Variants in SLC10A7 observed in about 807,000 individuals in gnomAD.
The protein encoded by SLC10A7 is sodium/bile acid cotransporter 7.
A neutral mutation model predicts 43.2 loss-of-function variants in SLC10A7; 29 were observed. The observed-to-expected ratio is 0.67, with a 90% CI of 0.50 to 0.92. The LOEUF is 0.92. Ranked by LOEUF, SLC10A7 falls within the 40% of genes least tolerant of loss-of-function variation. The probability of loss-of-function intolerance (pLI) is 0.00; values close to 1 mark genes in which losing one functional copy is unlikely to be tolerated. For missense variants in SLC10A7, 295 were observed against 403.2 expected, an observed-to-expected ratio of 0.73 and a Z score of 2.30; for synonymous variants, 152 against 144.8, an observed-to-expected ratio of 1.05 and a Z score of -0.35.
chr4:146,275,301 C>T (rs1729136708), intron 10 of SLC10A7, among the ~76,000 whole-genome samples: 1 of 152,172 alleles, frequency 6.6e-6, no homozygotes, highest in Non-Finnish European at 1.5e-5. Context: ...CATACTTAAG[C>T]CCTTCAAAAT....
At chr4:146,429,615 G>C (rs1257370592) in intron 5 of SLC10A7, among the ~76,000 whole-genome samples, 1 of 150,246 alleles carries the variant, frequency 6.7e-6, no homozygotes. Context: ...AAAATAGGAA[G>C]TGCCAGAGAT....
At chr4:146,408,233 G>T (rs187109180) in intron 5 of SLC10A7, among the ~76,000 whole-genome samples, 6 of 152,224 alleles carry the variant, frequency 3.9e-5, no homozygotes, top group Admixed American at 3.9e-4. Flanking sequence ...CTACCATGAA[G>T]TAACAAAGCA....
intron 5 of SLC10A7, among the ~76,000 whole-genome samples, chr4:146,432,075 T>C (rs1729821314): frequency 1.3e-5 from 2 of 152,110 alleles, no homozygotes; most frequent in South Asian, 4.1e-4. Context: ...AAATTAAAGT[T>C]TTGATGACAT....
chr4:146,258,991 A>T (rs567512549), intron 10 of SLC10A7, among the ~76,000 whole-genome samples, 154 bp from the exon 11 acceptor site: 1 of 152,362 alleles, frequency 6.6e-6, no homozygotes, highest in Non-Finnish European at 1.5e-5. Flanking sequence ...GAAATGGGTC[A>T]CCAAAACTTT....
chr4:146,375,493 T>C (rs1737125142), intron 5 of SLC10A7, among the ~76,000 whole-genome samples: 1 of 152,182 alleles, frequency 6.6e-6, no homozygotes, highest in African/African-American at 2.4e-5. Flanking sequence ...TGTACTTAAA[T>C]TGCAATTTCC....
intron 7 of SLC10A7, among the ~76,000 whole-genome samples, chr4:146,300,958 C>T (rs1731119470): frequency 6.6e-6 from 1 of 152,144 alleles, no homozygotes. Context: ...TCTTTTTATA[C>T]ATCTTACACC....
In SLC10A7 at chr4:146,442,820, GC is replaced by G; in HGVS notation, c.397del (p.Ala133GlnfsTer17). On this transcript the variant is annotated frameshift_variant and splice_region_variant, in exon 5 of 12. Coordinates refer to ENST00000335472, the MANE Select transcript of SLC10A7 (RefSeq NM_001029998.6). LOFTEE classifies it high-confidence loss of function. The part of the protein sequence containing the change: ...ILTKAVGGNE[A>X]AAIFNSAFGS... ...AAAGGCTGAATTAAATATTGCAGCT[GC>G]CTATGAAGAAAATAAATAGGGGAAA... The G allele has an allele frequency of 6.3e-7, 1 of 1,579,944 alleles. No individual in the cohort carries two copies. The highest frequency in any genetic ancestry group is 8.6e-7 in the Non-Finnish European group (1 of 1,166,302).
rs139055516 is a variant in SLC10A7 at position 146,402,393 on chromosome 4, G to A, written c.435+40390C>T. 1.0e-3 allele frequency among the ~76,000 whole-genome samples: 158 copies of A among 152,104 alleles called. 2 individuals carry two copies. Among genetic ancestry groups the A allele is most frequent in the Middle Eastern group, 6.8e-3 (2 of 294 alleles). On this transcript the variant is annotated intron_variant, in intron 5 of 11. Transcript: ENST00000335472. ...CCTTATTTCCTCATACCTCCTGCAT[G>A]TAACCAATCTACTGGCCCTATCAGC... is the stretch of plus-strand genomic sequence containing the variant.
chr4:146,258,542 C>G (rs1164120089), intron 11 of SLC10A7, 150 bp downstream of exon 11: 1 of 658,660 alleles, frequency 1.5e-6, no homozygotes, highest in African/African-American at 1.9e-5. Context: ...TGGAATGGAT[C>G]AGTGCACCAT....
intron 5 of SLC10A7, among the ~76,000 whole-genome samples, chr4:146,367,011 T>G (rs1239514176): frequency 6.6e-6 from 1 of 152,148 alleles, no homozygotes; most frequent in Admixed American, 6.5e-5. Flanking sequence ...TTTTTTGTTT[T>G]TTTTTGTTTT....
intron 5 of SLC10A7, among the ~76,000 whole-genome samples, chr4:146,395,299 G>A (rs901681031): frequency 6.6e-6 from 1 of 152,148 alleles, no homozygotes; most frequent in Non-Finnish European, 1.5e-5. Context: ...TGAGGCAGGA[G>A]GATTGCTTTG....
rs116696587 is a variant in SLC10A7 at position 146,456,265 on chromosome 4, T to C, written c.397-13444A>G. Among the ~76,000 whole-genome samples, 1,044 of 151,992 alleles carry C rather than the reference T, an allele frequency of 6.9e-3. 10 individuals are homozygous for C. Among genetic ancestry groups the C allele is most frequent in the African/African-American group, 0.024 (992 of 41,522 alleles). On this transcript the variant is annotated intron_variant, in intron 4 of 11. Coordinates refer to ENST00000335472, the MANE Select transcript of SLC10A7 (RefSeq NM_001029998.6). ...GGCCTTTGAAAAAGACAAATAAAAT[T>C]GATACACCTCTAAAACAGGGATTGG... is the stretch of plus-strand genomic sequence containing the variant.
chr4:146,516,533 T>A (rs1363864334), intron 2 of SLC10A7, among the ~76,000 whole-genome samples: 1 of 150,404 alleles, frequency 6.6e-6, no homozygotes, highest in East Asian at 2.0e-4. Flanking sequence ...ATGAAAAACA[T>A]CAATATTTCT....
At chr4:146,388,274 C>T (rs368550711) in intron 5 of SLC10A7, among the ~76,000 whole-genome samples, 1 of 152,070 alleles carries the variant, frequency 6.6e-6, no homozygotes, top group Non-Finnish European at 1.5e-5. Context: ...GGCCACATAC[C>T]TACAACCAAC....
At chr4:146,256,988 A>G in intron 11 of SLC10A7, 1 of 1,244,964 alleles carries the variant, frequency 8.0e-7, no homozygotes, top group South Asian at 1.3e-5. Context: ...CCCTTTTGGA[A>G]ATGCTTCTGT....
intron 10 of SLC10A7, among the ~76,000 whole-genome samples, chr4:146,278,675 T>C (rs1461822345): frequency 6.6e-6 from 1 of 152,212 alleles, no homozygotes; most frequent in African/African-American, 2.4e-5. Context: ...ATAGGGAAAC[T>C]TGTTATTTCA....
At chr4:146,441,025 C>A (rs1730558087) in intron 5 of SLC10A7, among the ~76,000 whole-genome samples, 1 of 152,138 alleles carries the variant, frequency 6.6e-6, no homozygotes. Flanking sequence ...TTTTACATTG[C>A]ATTTCTTTTT....
At chr4:146,489,554 T>C (rs1370365738) in intron 4 of SLC10A7, among the ~76,000 whole-genome samples, 2 of 152,210 alleles carry the variant, frequency 1.3e-5, no homozygotes, top group Non-Finnish European at 2.9e-5. Flanking sequence ...CAAGAGCTTA[T>C]TGTGATTGAG....
chr4:146,456,083 G>C (rs1190423074), intron 4 of SLC10A7, among the ~76,000 whole-genome samples: 1 of 151,438 alleles, frequency 6.6e-6, no homozygotes, highest in African/African-American at 2.4e-5. Context: ...CACCAAGAAG[G>C]GAAAGATGGC....
Sources: gnomAD v4.1 joint callset for allele counts (sites outside exome capture counted in the v4.1 genomes callset) on GRCh38, gnomAD v4.1.1 for gene constraint, MANE v1.5 for transcripts, NCBI Gene and HGNC (gene_info 2026-07-23, HGNC 2026-07-21) for gene names.